Variants in FUBP3 observed in about 807,000 individuals in gnomAD.
FUBP3 encodes the protein far upstream element binding protein 3, also known as far upstream element-binding protein 3.
FUBP3 carries 28 observed loss-of-function variants against 85.6 expected under a neutral mutation model. The ratio of observed to expected loss-of-function variants is 0.33; its 90% confidence interval spans 0.24 to 0.45. FUBP3 has a LOEUF of 0.45. Among genes scored for constraint, FUBP3 ranks in the 20% least tolerant of loss-of-function variants. The probability of loss-of-function intolerance (pLI) is 1.00; values close to 1 mark genes in which losing one functional copy is unlikely to be tolerated. For synonymous variants in FUBP3, 271 were observed against 271.4 expected (o/e 1.00, Z 0.01); for missense variants, 583 against 755.1 (o/e 0.77, Z 2.67).
At chr9:130,600,572 T>G (rs1831107801) in intron 2 of FUBP3, among the ~76,000 whole-genome samples, 1 of 152,032 alleles carries the variant, frequency 6.6e-6, no homozygotes, top group African/African-American at 2.4e-5. Context: ...CATGGTTCAC[T>G]GCAGCCTCTA....
intron 2 of FUBP3, among the ~76,000 whole-genome samples, chr9:130,597,651 C>T (rs1830937298): frequency 6.6e-6 from 1 of 152,138 alleles, no homozygotes; most frequent in Non-Finnish European, 1.5e-5. Context: ...CAGAAGACAA[C>T]TGACAAAAAG....
rs1033373586 is a variant in FUBP3 at position 130,612,441 on chromosome 9, G to A, written c.225-15G>A. 1 of 1,566,084 alleles carries A rather than the reference G, an allele frequency of 6.4e-7. No individual in the cohort carries two copies. Among genetic ancestry groups the A allele is most frequent in the South Asian group, 1.1e-5 (1 of 87,912 alleles). On this transcript the variant is annotated splice_polypyrimidine_tract_variant and intron_variant, in intron 3 of 18. Transcript: ENST00000319725. This position sits in a 1 kb window ranked among gnomAD's most constrained non-coding sequence, Gnocchi z 4.1. Reference sequence around the variant, plus strand: ...TGTATTCTGTATTTTTTTCCAAAATGTTCTTTGTTTTTAGGACGGTAATAA... The same window carrying A: ...TGTATTCTGTATTTTTTTCCAAAATATTCTTTGTTTTTAGGACGGTAATAA...
chr9:130,609,449 G>GT (rs1345272121), intron 2 of FUBP3, among the ~76,000 whole-genome samples: 1 of 135,598 alleles, frequency 7.4e-6, no homozygotes, highest in Non-Finnish European at 1.6e-5. Context: ...GGGTGGGGGG[G>GT]CCGGCGAGGG....
chr9:130,590,064 C>T (rs1830558609), intron 1 of FUBP3, among the ~76,000 whole-genome samples: 1 of 129,700 alleles, frequency 7.7e-6, no homozygotes, highest in Non-Finnish European at 1.6e-5. Context: ...CTGTGACATA[C>T]CCCCAAGGAG....
At chr9:130,587,396 TGGTGGAATTC>T (rs1371842251) in intron 1 of FUBP3, among the ~76,000 whole-genome samples, 1 of 152,038 alleles carries the variant, frequency 6.6e-6, no homozygotes, top group African/African-American at 2.4e-5. Flanking sequence ...GGAGGATTGT[TGGTGGAATTC>T]GATGGAATGG....
At chr9:130,609,179 T>G (rs1831613233) in intron 2 of FUBP3, among the ~76,000 whole-genome samples, 1 of 152,198 alleles carries the variant, frequency 6.6e-6, no homozygotes, top group Admixed American at 6.5e-5. Flanking sequence ...TGATGGCTGG[T>G]GAAGGAGAGA....
At chr9:130,632,051 G>A (rs376493321) in intron 15 of FUBP3, 29 bp downstream of exon 15, 1 of 1,552,880 alleles carries the variant, frequency 6.4e-7, no homozygotes, top group African/African-American at 1.4e-5. Context: ...CTCAGTTGGG[G>A]ACAGACGGCA....
At chr9:130,596,164 A>T (rs2119028651) in intron 2 of FUBP3, among the ~76,000 whole-genome samples, 1 of 152,316 alleles carries the variant, frequency 6.6e-6, no homozygotes, top group South Asian at 2.1e-4. Flanking sequence ...TAGAAGTGCC[A>T]ATCCCCAGCA....
chr9:130,599,845 G>A (rs1026808404), intron 2 of FUBP3, among the ~76,000 whole-genome samples: 2 of 152,066 alleles, frequency 1.3e-5, no homozygotes, highest in Non-Finnish European at 2.9e-5. Flanking sequence ...CAGTAACCAG[G>A]GAGGTGCAGA....
chr9:130,618,641 C>T (rs1253587715), intron 8 of FUBP3, among the ~76,000 whole-genome samples: 1 of 152,190 alleles, frequency 6.6e-6, no homozygotes, highest in Non-Finnish European at 1.5e-5. Context: ...TTTTCTGCCA[C>T]CTGCAGCCTG....
chr9:130,635,714 T>C lies in FUBP3; in HGVS notation c.1583-285T>C, dbSNP rs1588172383. On this transcript the variant is annotated intron_variant, in intron 17 of 18. Coordinates refer to ENST00000319725, the MANE Select transcript of FUBP3 (RefSeq NM_003934.2). This position sits in a 1 kb window ranked among gnomAD's most constrained non-coding sequence, Gnocchi z 4.3. The stretch of plus-strand genomic sequence containing the variant: ...CCCTTCTCTGTCTGTCACAGGGCCC[T>C]GGGAGCTGAAGGGGCAGGCAGGGAG... 2 of 161,756 alleles carry C rather than the reference T, an allele frequency of 1.2e-5. No individual in the cohort carries two copies. Among genetic ancestry groups the C allele is most frequent in the Non-Finnish European group, 2.4e-5 (2 of 82,022 alleles). 10.0% of individuals were successfully genotyped at this position (161,756 alleles called of 1,614,324 possible).
intron 2 of FUBP3, among the ~76,000 whole-genome samples, chr9:130,598,036 CA>C (rs1334973606): frequency 6.6e-6 from 1 of 152,128 alleles, no homozygotes; most frequent in African/African-American, 2.4e-5. Context: ...ATATGGTTAT[CA>C]AAACAAGTAA....
chr9:130,629,979 G>A (rs963654488), intron 12 of FUBP3, among the ~76,000 whole-genome samples: 7 of 152,210 alleles, frequency 4.6e-5, no homozygotes, highest in Admixed American at 4.6e-4. Context: ...TTTTGAAAGA[G>A]ACCAACTGAA....
chr9:130,630,599 C>T (rs755670361), intron 12 of FUBP3, 29 bp from the exon 13 acceptor site: 41 of 1,551,168 alleles, frequency 2.6e-5, no homozygotes, highest in Non-Finnish European at 3.4e-5. Context: ...TCTCTGCTTA[C>T]TCTTCTGCCT....
chr9:130,615,683 C>T (rs946718586), intron 6 of FUBP3, among the ~76,000 whole-genome samples: 5 of 152,200 alleles, frequency 3.3e-5, no homozygotes, highest in Non-Finnish European at 5.9e-5. Flanking sequence ...TAGCAGGACA[C>T]GTGACACGCA....
chr9:130,588,726 A>C (rs1281473898), intron 1 of FUBP3, among the ~76,000 whole-genome samples: 1 of 152,224 alleles, frequency 6.6e-6, no homozygotes, highest in Non-Finnish European at 1.5e-5. Context: ...CTTAGTAGGC[A>C]GTATGTTTGA....
At chr9:130,626,533 C>T in intron 12 of FUBP3, 28 bp downstream of exon 12, 1 of 1,607,824 alleles carries the variant, frequency 6.2e-7, no homozygotes, top group Middle Eastern at 1.7e-4. Flanking sequence ...TTTCACATCC[C>T]CCCTCAGCTG....
At chr9:130,593,568 G>C (rs1339672222) in intron 1 of FUBP3, among the ~76,000 whole-genome samples, 1 of 152,196 alleles carries the variant, frequency 6.6e-6, no homozygotes, top group African/African-American at 2.4e-5. Context: ...TAAATGTAAG[G>C]GATGATGTCT....
chr9:130,587,507 C>A (rs932374382), intron 1 of FUBP3, among the ~76,000 whole-genome samples: 1 of 152,174 alleles, frequency 6.6e-6, no homozygotes, highest in Non-Finnish European at 1.5e-5. Context: ...CTCACCTGAT[C>A]ATCTTAGCAT....
Sources: gnomAD v4.1 joint callset for allele counts (sites outside exome capture counted in the v4.1 genomes callset) on GRCh38, gnomAD v4.1.1 for gene constraint, Gnocchi (gnomAD v3.1) non-coding constraint, MANE v1.5 for transcripts, NCBI Gene and HGNC (gene_info 2026-07-23, HGNC 2026-07-21) for gene names.